The following SPIDR variants were observed in gnomAD, a reference collection of about 807,000 sequenced individuals.
SPIDR encodes the protein DNA repair-scaffolding protein.
In SPIDR, 93 loss-of-function variants were observed where a neutral mutation model predicts 104.6. The ratio of observed to expected loss-of-function variants is 0.89; its 90% CI spans 0.75 to 1.06. The LOEUF (loss-of-function observed/expected upper bound fraction) is 1.06. Ranked by LOEUF, SPIDR falls within the 50% of genes least tolerant of loss-of-function variation. The pLI, the probability that SPIDR is intolerant of heterozygous loss-of-function variation, is 0.00. For synonymous variants in SPIDR, 431 were observed against 416.9 expected, an observed-to-expected ratio of 1.03 and a Z score of -0.41; for missense variants, 1,154 against 1,111.2, an observed-to-expected ratio of 1.04 and a Z score of -0.55.
At chr8:47,680,553 T>C (rs973485510) in intron 11 of SPIDR, among the ~76,000 whole-genome samples, 2 of 152,206 alleles carry the variant, frequency 1.3e-5, no homozygotes, top group Non-Finnish European at 2.9e-5. Flanking sequence ...ACAGGAAATA[T>C]GTAGTGGTAA....
At chr8:47,415,095 G>A (rs1395686482) in intron 7 of SPIDR, among the ~76,000 whole-genome samples, 1 of 152,028 alleles carries the variant, frequency 6.6e-6, no homozygotes, top group Non-Finnish European at 1.5e-5. Flanking sequence ...AGTACAGATA[G>A]GGTTTCACCG....
At chr8:47,508,690 TG>T (rs2081863257) in intron 8 of SPIDR, among the ~76,000 whole-genome samples, 1 of 152,290 alleles carries the variant, frequency 6.6e-6, no homozygotes, top group East Asian at 1.9e-4. Flanking sequence ...TGTGTGTAAG[TG>T]TAGATCCCAT....
intron 8 of SPIDR, among the ~76,000 whole-genome samples, chr8:47,588,026 CATATAT>C (rs71548440): frequency 4.4e-3 from 104 of 23,376 alleles, no homozygotes; most frequent in African/African-American, 6.3e-3. Flanking sequence ...TTAAAATTAG[CATATAT>C]ATATATATAT....
At chr8:47,443,200 C>G (rs2069797029) in intron 8 of SPIDR, among the ~76,000 whole-genome samples, 1 of 152,006 alleles carries the variant, frequency 6.6e-6, no homozygotes, top group Non-Finnish European at 1.5e-5. Flanking sequence ...CAAACAACCC[C>G]TGGGTGTTAC....
chr8:47,565,993 T>TATATATATATATA (rs1491137131), intron 8 of SPIDR, among the ~76,000 whole-genome samples: 56 of 28,760 alleles, frequency 1.9e-3, no homozygotes, highest in South Asian at 6.1e-3. Context: ...TATATATATA[T>TATATATATATATA]TTTTTTTTTT....
At chr8:47,708,678 C>T (rs572182881) in intron 14 of SPIDR, among the ~76,000 whole-genome samples, 41 of 152,108 alleles carry the variant, frequency 2.7e-4, no homozygotes, top group Admixed American at 2.7e-3. Context: ...GTGTTTATTC[C>T]CCCTCCCCAC....
intron 8 of SPIDR, among the ~76,000 whole-genome samples, chr8:47,488,591 A>C (rs1214056882): frequency 1.3e-5 from 2 of 152,154 alleles, no homozygotes; most frequent in East Asian, 3.9e-4. Flanking sequence ...ACATTGATTC[A>C]AAAATCCTCA....
At chr8:47,565,992 A>ATATATATATTT (rs1554802202) in intron 8 of SPIDR, among the ~76,000 whole-genome samples, 1 of 14,950 alleles carries the variant, frequency 6.7e-5, no homozygotes, top group Non-Finnish European at 1.5e-4. Flanking sequence ...ATATATATAT[A>ATATATATATTT]TTTTTTTTTT....
chr8:47,491,471 T>TAC (rs2078696578), intron 8 of SPIDR, among the ~76,000 whole-genome samples: 1 of 144,202 alleles, frequency 6.9e-6, no homozygotes, highest in Non-Finnish European at 1.5e-5. Context: ...TGACCACAAC[T>TAC]ATATATATAT....
At chr8:47,416,381 G>GCA (rs1366689811) in intron 7 of SPIDR, among the ~76,000 whole-genome samples, 1 of 152,190 alleles carries the variant, frequency 6.6e-6, no homozygotes, top group Non-Finnish European at 1.5e-5. Context: ...TTGCTCGGTA[G>GCA]TATTCCATGG....
intron 11 of SPIDR, among the ~76,000 whole-genome samples, chr8:47,677,209 C>T (rs1589105338): frequency 6.6e-6 from 1 of 152,144 alleles, no homozygotes; most frequent in Non-Finnish European, 1.5e-5. Context: ...GTGGCCTGTG[C>T]GGCACTTTAG....
chr8:47,479,529 C>G (rs1372891181), intron 8 of SPIDR, among the ~76,000 whole-genome samples: 1 of 152,148 alleles, frequency 6.6e-6, no homozygotes, highest in Non-Finnish European at 1.5e-5. Context: ...AGCTTAGCAG[C>G]ACAGCCCACA....
At chr8:47,620,273 CTTTT>C (rs61006472) in intron 10 of SPIDR, among the ~76,000 whole-genome samples, 2 of 82,924 alleles carry the variant, frequency 2.4e-5, no homozygotes, top group Admixed American at 1.3e-4. Flanking sequence ...CCATTTAAAC[CTTTT>C]TTTTTTTTTT....
intron 5 of SPIDR, among the ~76,000 whole-genome samples, chr8:47,298,788 G>C (rs1333346898): frequency 1.3e-5 from 2 of 152,044 alleles, no homozygotes; most frequent in Admixed American, 6.6e-5. Context: ...ATTTCTGAGG[G>C]CTCTGTTCTG....
chr8:47,591,209 T>G lies in SPIDR; in HGVS notation c.1098-4602T>G, dbSNP rs930341090. 5.5e-4 allele frequency among the ~76,000 whole-genome samples: 84 copies of G among 151,430 alleles called. 1 individual carries two copies. The highest frequency in any genetic ancestry group is 1.9e-3 in the African/African-American group (78 of 41,506). On this transcript the variant is annotated intron_variant, in intron 8 of 19. Coordinates refer to ENST00000297423, the MANE Select transcript of SPIDR (RefSeq NM_001080394.4). ...TTTTCTTTGTTCTCTGGTTTTTTTT[T>G]TTGTTTTATTTTTCCTGGTTTCATA...
chr8:47,323,872 G>A (rs770532802), intron 5 of SPIDR, among the ~76,000 whole-genome samples: 13 of 152,102 alleles, frequency 8.5e-5, no homozygotes, highest in Non-Finnish European at 1.3e-4. Flanking sequence ...TGTGTTTCTG[G>A]TGTCTAAGGC....
At chr8:47,663,797 G>A (rs2074480472) in intron 10 of SPIDR, among the ~76,000 whole-genome samples, 1 of 152,186 alleles carries the variant, frequency 6.6e-6, no homozygotes, top group Non-Finnish European at 1.5e-5. Context: ...TAATCATCTA[G>A]AGAATCTTTA....
chr8:47,503,181 C>G (rs1396940593), intron 8 of SPIDR, among the ~76,000 whole-genome samples: 1 of 152,144 alleles, frequency 6.6e-6, no homozygotes, highest in Non-Finnish European at 1.5e-5. Context: ...AGTTCAATTC[C>G]TGAATATCCT....
intron 5 of SPIDR, among the ~76,000 whole-genome samples, chr8:47,318,232 T>C (rs1278634676): frequency 6.6e-6 from 1 of 151,974 alleles, no homozygotes; most frequent in African/African-American, 2.4e-5. Flanking sequence ...GAATAACCAA[T>C]GCAGAGAAGT....
Sources: gnomAD v4.1 joint callset for allele counts (sites outside exome capture counted in the v4.1 genomes callset) on GRCh38, gnomAD v4.1.1 for gene constraint, MANE v1.5 for transcripts, NCBI Gene and HGNC (gene_info 2026-07-23, HGNC 2026-07-21) for gene names.